GPM6A: variants seen among roughly 807,000 people sequenced by gnomAD.
GPM6A encodes the protein neuronal membrane glycoprotein M6-a.
A neutral mutation model predicts 32.1 loss-of-function variants in GPM6A; 7 were observed. The ratio of observed to expected loss-of-function variants is 0.22; its 90% CI spans 0.12 to 0.41. The LOEUF is 0.41. GPM6A is among the 10% of genes least tolerant of loss of function. The probability of loss-of-function intolerance (pLI) is 1.00; values close to 1 mark genes in which losing one functional copy is unlikely to be tolerated. For missense variants in GPM6A, 235 were observed against 347.2 expected, an observed-to-expected ratio of 0.68 and a Z score of 2.57; for synonymous variants, 130 against 123.4, an observed-to-expected ratio of 1.05 and a Z score of -0.35.
chr4:175,830,564 G>C (rs762113943), intron 1 of GPM6A, among the ~76,000 whole-genome samples: 1 of 152,040 alleles, frequency 6.6e-6, no homozygotes, highest in Non-Finnish European at 1.5e-5. Flanking sequence ...AAAAACTAAG[G>C]CATAAAGGAT....
In GPM6A at chr4:175,937,585, T is replaced by C. The variant is rs1027772602; in HGVS notation, c.-23+64724A>G. On this transcript the variant is annotated intron_variant, in intron 1 of 7. Coordinates refer to the GPM6A transcript ENST00000280187. ...ATTAATGAATGAACAAGTCAATGAA[T>C]AAATAGAATGAAACCTTAAAGTATC... Among the ~76,000 whole-genome samples, 3 of 152,132 alleles carry C rather than the reference T, an allele frequency of 2.0e-5. No homozygotes were observed. The East Asian group carries it at 5.8e-4, about 29-fold the overall frequency.
At chr4:175,973,179 C>T (rs1012335636) in intron 1 of GPM6A, among the ~76,000 whole-genome samples, 2 of 152,144 alleles carry the variant, frequency 1.3e-5, no homozygotes, top group African/African-American at 2.4e-5. Context: ...TAGATAATAT[C>T]GTGAATATTG....
intron 1 of GPM6A, among the ~76,000 whole-genome samples, chr4:175,787,094 T>A (rs1733832958): frequency 6.7e-6 from 1 of 150,232 alleles, no homozygotes; most frequent in African/African-American, 2.5e-5. Flanking sequence ...CCTCTGTTCT[T>A]TTTTTTGTTG....
chr4:175,983,096 A>T (rs1259600136), intron 1 of GPM6A, among the ~76,000 whole-genome samples: 1 of 152,172 alleles, frequency 6.6e-6, no homozygotes, highest in African/African-American at 2.4e-5. Context: ...TAATAAATCA[A>T]TATAGCACAA....
intron 1 of GPM6A, among the ~76,000 whole-genome samples, chr4:175,840,424 TC>T (rs1735898869): frequency 1.3e-5 from 2 of 152,208 alleles, no homozygotes; most frequent in African/African-American, 4.8e-5. Flanking sequence ...ACGCCTGTAA[TC>T]CCAGCACTTT....
intron 2 of GPM6A, among the ~76,000 whole-genome samples, chr4:175,685,045 G>A (rs958021661): frequency 9.2e-5 from 14 of 151,878 alleles, no homozygotes; most frequent in South Asian, 4.1e-4. Flanking sequence ...CCACCACCAC[G>A]CCCGGCTAAT....
At chr4:175,650,516 G>T (rs530938963) in intron 4 of GPM6A, among the ~76,000 whole-genome samples, 1 of 151,992 alleles carries the variant, frequency 6.6e-6, no homozygotes, top group Admixed American at 6.6e-5. Flanking sequence ...TGTTGGCCAC[G>T]CTGGTCTCGA....
chr4:175,979,327 A>G (rs1048814378), intron 1 of GPM6A, among the ~76,000 whole-genome samples: 8 of 152,212 alleles, frequency 5.3e-5, no homozygotes, highest in Non-Finnish European at 1.0e-4. Flanking sequence ...GTGGTATAGG[A>G]TGAGCAAAAA....
At chr4:175,679,232 T>C (rs747072335) in intron 2 of GPM6A, among the ~76,000 whole-genome samples, 16 of 152,240 alleles carry the variant, frequency 1.1e-4, no homozygotes, top group Admixed American at 5.2e-4. Flanking sequence ...TATAACTCTA[T>C]TCTGCCCTTT....
At chr4:175,778,159 GT>G (rs1733467116) in intron 1 of GPM6A, among the ~76,000 whole-genome samples, 1 of 152,118 alleles carries the variant, frequency 6.6e-6, no homozygotes, top group Non-Finnish European at 1.5e-5. Flanking sequence ...CCAGAATTCT[GT>G]TTTCTTATGG....
chr4:175,865,063 G>A (rs745728257), intron 1 of GPM6A, among the ~76,000 whole-genome samples: 8 of 151,990 alleles, frequency 5.3e-5, no homozygotes, highest in African/African-American at 1.4e-4. Context: ...CACCTGCCTC[G>A]GCCTCCCAAA....
At chr4:175,805,785 T>A (rs765981549) in intron 1 of GPM6A, 1 of 152,202 alleles carries the variant, frequency 6.6e-6, no homozygotes, top group African/African-American at 2.4e-5. Flanking sequence ...CCTCATATTA[T>A]AACTTAATTC....
Position 175,985,318 on chromosome 4 carries a change from C to G in GPM6A, c.-23+16991G>C, listed in dbSNP as rs78036645. ...ATCTCATATATTTTTGGTAAATTTA[C>G]TGCTGGGATTAGTATAAAACTTTTT... On this transcript the variant is annotated intron_variant, in intron 1 of 7. Transcript: ENST00000280187. Among the ~76,000 whole-genome samples, 1,319 of 152,246 alleles carry G rather than the reference C, an allele frequency of 8.7e-3. 11 individuals are homozygous for G. Among genetic ancestry groups the G allele is most frequent in the African/African-American group, 0.03 (1,243 of 41,538 alleles).
At chr4:175,779,971 G>A (rs374821988) in intron 1 of GPM6A, among the ~76,000 whole-genome samples, 8 of 151,594 alleles carry the variant, frequency 5.3e-5, no homozygotes, top group East Asian at 3.9e-4. Context: ...ACAGTAACTC[G>A]GAGGTAGCAG....
chr4:175,734,766 G>A (rs190975966), intron 1 of GPM6A, among the ~76,000 whole-genome samples: 13 of 152,120 alleles, frequency 8.5e-5, no homozygotes, highest in Non-Finnish European at 1.3e-4. Flanking sequence ...CCAGCTACTC[G>A]GGAGGCTGAG....
At chr4:175,734,660 T>C (rs1309451154) in intron 1 of GPM6A, among the ~76,000 whole-genome samples, 1 of 151,458 alleles carries the variant, frequency 6.6e-6, no homozygotes, top group Non-Finnish European at 1.5e-5. Context: ...GATCATGAGG[T>C]CAGGAGATTA....
At chr4:175,986,152 GT>G (rs1403186596) in intron 1 of GPM6A, among the ~76,000 whole-genome samples, 1 of 151,994 alleles carries the variant, frequency 6.6e-6, no homozygotes, top group African/African-American at 2.4e-5. Context: ...TGATCATATG[GT>G]TTTTTTCCTT....
At chr4:175,793,548 G>C (rs1339542417) in intron 1 of GPM6A, among the ~76,000 whole-genome samples, 1 of 151,910 alleles carries the variant, frequency 6.6e-6, no homozygotes, top group Non-Finnish European at 1.5e-5. Context: ...AGCTAATTTT[G>C]TATTTCTATT....
chr4:176,002,182 AG>A (rs2126479486), intron 1 of GPM6A: 1 of 1,045,110 alleles, frequency 9.6e-7, no homozygotes, highest in South Asian at 1.3e-5. Flanking sequence ...GGGGGACGCC[AG>A]GCGCGGGGGG....
Sources: gnomAD v4.1 joint callset for allele counts (sites outside exome capture counted in the v4.1 genomes callset) on GRCh38, gnomAD v4.1.1 for gene constraint, MANE v1.5 for transcripts, NCBI Gene and HGNC (gene_info 2026-07-23, HGNC 2026-07-21) for gene names.